The following RIMKLB variants were observed in gnomAD, a reference collection of about 807,000 sequenced individuals.
The protein encoded by RIMKLB is beta-citrylglutamate synthase B.
In RIMKLB, 7 loss-of-function variants were observed where a neutral mutation model predicts 32.0. The ratio of observed to expected loss-of-function variants is 0.22; its 90% confidence interval spans 0.12 to 0.41. The LOEUF is 0.41. RIMKLB is among the 10% of genes least tolerant of loss of function. The pLI is 1.00. For missense variants in RIMKLB, 289 were observed against 498.7 expected, an observed-to-expected ratio of 0.58 and a Z score of 4.00; for synonymous variants, 172 against 185.1, an observed-to-expected ratio of 0.93 and a Z score of 0.57.
chr12:8,683,430 C>T (rs201945318), intron 1 of RIMKLB, among the ~76,000 whole-genome samples: 33 of 152,168 alleles, frequency 2.2e-4, no homozygotes, highest in Middle Eastern at 6.8e-3. Context: ...TGGTGGTGTC[C>T]GTGTTCTGAA....
chr12:8,766,095 G>T (rs1949935425), intron 5 of RIMKLB, among the ~76,000 whole-genome samples: 3 of 151,898 alleles, frequency 2.0e-5, no homozygotes, highest in Admixed American at 1.3e-4. Flanking sequence ...ACTTTGCCTT[G>T]GGGGGAATGT....
intron 1 of RIMKLB, among the ~76,000 whole-genome samples, chr12:8,685,000 C>T (rs1359366495): frequency 6.6e-6 from 1 of 152,170 alleles, no homozygotes; most frequent in East Asian, 1.9e-4. Context: ...ACCTTTTATC[C>T]TGCAATTGTG....
chr12:8,719,736 AAAT>A (rs1371956481), intron 2 of RIMKLB, among the ~76,000 whole-genome samples: 3 of 152,242 alleles, frequency 2.0e-5, no homozygotes, highest in African/African-American at 7.2e-5. Flanking sequence ...GGGAGATTCA[AAAT>A]AACTATTACA....
At chr12:8,759,104 A>T (rs1389053593) in intron 5 of RIMKLB, among the ~76,000 whole-genome samples, 1 of 152,178 alleles carries the variant, frequency 6.6e-6, no homozygotes, top group Non-Finnish European at 1.5e-5. Context: ...ATACATATTT[A>T]AAAAAATGTA....
downstream of RIMKLB, chr12:8,777,211 CTTTCTTTT>C: frequency 2.1e-6 from 1 of 483,362 alleles, no homozygotes; most frequent in African/African-American, 4.4e-5. Flanking sequence ...TGCTTGCTTG[CTTTCTTTT>C]TTTTTTTTTT....
chr12:8,740,264 G>A (rs185932458), intron 2 of RIMKLB, among the ~76,000 whole-genome samples: 1 of 152,292 alleles, frequency 6.6e-6, no homozygotes, highest in African/African-American at 2.4e-5. Flanking sequence ...TACCAACATG[G>A]TGAATAACAA....
chr12:8,683,092 C>T (rs886825256), intron 1 of RIMKLB, among the ~76,000 whole-genome samples: 1 of 152,108 alleles, frequency 6.6e-6, no homozygotes, highest in African/African-American at 2.4e-5. Context: ...CCTGATAGGT[C>T]ATTTCTTTTT....
chr12:8,768,880 T>A (rs915019359), intron 5 of RIMKLB, among the ~76,000 whole-genome samples: 1 of 152,200 alleles, frequency 6.6e-6, no homozygotes, highest in Non-Finnish European at 1.5e-5. Flanking sequence ...TGTATGTGAT[T>A]CTCTTTATTG....
chr12:8,692,295 A>C (rs1401789429), upstream of RIMKLB, among the ~76,000 whole-genome samples: 1 of 152,228 alleles, frequency 6.6e-6, no homozygotes, highest in Non-Finnish European at 1.5e-5. Context: ...GCTTTAAATA[A>C]AGAGCATTTT....
At chr12:8,767,370 G>C (rs1950055208) in intron 5 of RIMKLB, among the ~76,000 whole-genome samples, 2 of 152,184 alleles carry the variant, frequency 1.3e-5, no homozygotes, top group South Asian at 4.1e-4. Flanking sequence ...CCAGGGACAA[G>C]ACTCTCTGGC....
intron 2 of RIMKLB, among the ~76,000 whole-genome samples, chr12:8,749,444 C>T (rs761715591): frequency 6.6e-5 from 10 of 152,166 alleles, no homozygotes; most frequent in East Asian, 1.9e-4. Flanking sequence ...CTCTTGACCT[C>T]GTGATCCACC....
intron 5 of RIMKLB, among the ~76,000 whole-genome samples, chr12:8,755,032 A>T (rs1023114282): frequency 3.3e-5 from 5 of 152,102 alleles, no homozygotes; most frequent in Admixed American, 3.3e-4. Flanking sequence ...GCTCACTGCA[A>T]CCTCCACCTC....
intron 5 of RIMKLB, among the ~76,000 whole-genome samples, chr12:8,762,427 T>G (rs1438735112): frequency 6.6e-6 from 1 of 152,138 alleles, no homozygotes; most frequent in Non-Finnish European, 1.5e-5. Flanking sequence ...TGGAGGGTCC[T>G]GCCTTGCGGC....
intron 1 of RIMKLB, among the ~76,000 whole-genome samples, chr12:8,686,064 C>T (rs2136544163): frequency 6.6e-6 from 1 of 152,266 alleles, no homozygotes; most frequent in East Asian, 1.9e-4. Context: ...CCTCGGTCTT[C>T]CAAAGTGCTG....
downstream of RIMKLB, chr12:8,777,292 T>C: frequency 3.1e-6 from 3 of 983,026 alleles, no homozygotes; most frequent in South Asian, 1.4e-4. Flanking sequence ...TAGGCACCTT[T>C]GGAGCTTGGA....
intron 2 of RIMKLB, among the ~76,000 whole-genome samples, chr12:8,717,945 G>A (rs1229098016): frequency 6.6e-6 from 1 of 152,032 alleles, no homozygotes; most frequent in African/African-American, 2.4e-5. Flanking sequence ...ATAATGTACT[G>A]TGCTGTTGCC....
chr12:8,779,881 C>T (rs1047859893), downstream of RIMKLB: 1 of 148,280 alleles, frequency 6.7e-6, no homozygotes, highest in African/African-American at 2.4e-5. Context: ...TCCCCTTTTC[C>T]CCTAATTCTT....
In RIMKLB at chr12:8,728,940, G is replaced by A. The variant is rs774736259; in HGVS notation, c.175+14899G>A. 9.9e-5 allele frequency among the ~76,000 whole-genome samples: 15 copies of A among 152,236 alleles called. No individual in the cohort carries two copies. In the East Asian group the frequency reaches 2.9e-3, roughly 29 times the overall value. On this transcript the variant is annotated intron_variant, in intron 2 of 5. Transcript: ENST00000535829. ...TTGTGGGATGGGAACTGGAGTGCAT[G>A]GGCTCCAGCAGGGGTGAACTCCACT...
chr12:8,730,971 C>T (rs1385209789), intron 2 of RIMKLB, among the ~76,000 whole-genome samples: 4 of 151,928 alleles, frequency 2.6e-5, no homozygotes, highest in African/African-American at 9.7e-5. Context: ...AACTCCTGAC[C>T]TCAAGTGATC....
Sources: gnomAD v4.1 joint callset for allele counts (sites outside exome capture counted in the v4.1 genomes callset) on GRCh38, gnomAD v4.1.1 for gene constraint, MANE v1.5 for transcripts, NCBI Gene and HGNC (gene_info 2026-07-23, HGNC 2026-07-21) for gene names.